The following DAB1 variants were observed in gnomAD, a reference collection of about 807,000 sequenced individuals.
DAB1 encodes the protein disabled homolog 1.
DAB1 carries 15 observed loss-of-function variants against 64.6 expected under a neutral mutation model. That is an observed-to-expected ratio of 0.23 (90% CI 0.16 to 0.36). DAB1 has a LOEUF of 0.36. Among genes scored for constraint, DAB1 ranks in the 10% least tolerant of loss-of-function variants. DAB1 has a pLI of 1.00. For synonymous variants in DAB1, 235 were observed against 251.9 expected, an observed-to-expected ratio of 0.93 and a Z score of 0.64; for missense variants, 596 against 706.7, an observed-to-expected ratio of 0.84 and a Z score of 1.78.
rs1284285303 is a variant in DAB1, at chr1:57,918,106, T to TAA, written n.388-33945_388-33944insTT. 9.7e-4 allele frequency among the ~76,000 whole-genome samples: 146 copies of TAA among 150,460 alleles called. 4 individuals carry two copies. The East Asian group carries it at 0.019, about 19-fold the overall frequency. ...ATAAATAAATAAATAAATAAATAAATATAAAAATATGATTTACACTTTAAA... is the reference window on the plus strand; with the variant it reads ...ATAAATAAATAAATAAATAAATAAATAAATAAAAATATGATTTACACTTTAAA... On this transcript the variant is annotated intron_variant and non_coding_transcript_variant, in intron 5 of 20. Coordinates refer to the DAB1 transcript ENST00000485760.
intron 2 of DAB1, among the ~76,000 whole-genome samples, chr1:57,267,077 A>G (rs1053519193): frequency 6.6e-6 from 1 of 152,166 alleles, no homozygotes; most frequent in African/African-American, 2.4e-5. Context: ...GTGTAATTAA[A>G]TTAAGAATCT....
intron 5 of DAB1, among the ~76,000 whole-genome samples, chr1:58,116,028 A>G (rs1032163087): frequency 1.2e-4 from 18 of 149,718 alleles, no homozygotes; most frequent in African/African-American, 4.4e-4. Flanking sequence ...TCTATACAAA[A>G]AAAATAAAAA....
At chr1:57,902,713 A>T (rs1368456614) in intron 5 of DAB1, among the ~76,000 whole-genome samples, 1 of 152,162 alleles carries the variant, frequency 6.6e-6, no homozygotes, top group Non-Finnish European at 1.5e-5. Flanking sequence ...GAGGACATTA[A>T]ATTTATCATC....
intron 5 of DAB1, among the ~76,000 whole-genome samples, chr1:58,013,000 T>G (rs978881471): frequency 6.6e-6 from 1 of 152,168 alleles, no homozygotes; most frequent in Non-Finnish European, 1.5e-5. Context: ...ACTGACTCAA[T>G]GCTCACTTTT....
intron 1 of DAB1, among the ~76,000 whole-genome samples, chr1:57,345,518 G>A (rs1558208600): frequency 1.3e-5 from 2 of 152,218 alleles, no homozygotes; most frequent in African/African-American, 4.8e-5. Flanking sequence ...TCCAGCATTA[G>A]CAGTGAGTCT....
chr1:57,305,008 A>T (rs1674011339), intron 1 of DAB1, among the ~76,000 whole-genome samples: 1 of 152,186 alleles, frequency 6.6e-6, no homozygotes, highest in Non-Finnish European at 1.5e-5. Flanking sequence ...GTTATCCAAT[A>T]ACACACTTCC....
intron 1 of DAB1, among the ~76,000 whole-genome samples, chr1:57,852,292 T>C (rs1653563444): frequency 6.6e-6 from 1 of 152,032 alleles, no homozygotes; most frequent in South Asian, 2.1e-4. Context: ...CTCCCTCAGT[T>C]TATTAACATT....
intron 5 of DAB1, among the ~76,000 whole-genome samples, chr1:57,988,755 A>G (rs1646281708): frequency 1.3e-5 from 2 of 152,188 alleles, no homozygotes; most frequent in Admixed American, 6.5e-5. Context: ...GATAGCCAGT[A>G]TTCCTTAGCC....
intron 2 of DAB1, among the ~76,000 whole-genome samples, chr1:57,261,038 G>A (rs1372994516): frequency 1.3e-5 from 2 of 152,114 alleles, no homozygotes; most frequent in Admixed American, 6.5e-5. Context: ...GAGTCACTAT[G>A]TATAAGGGGC....
intron 2 of DAB1, among the ~76,000 whole-genome samples, chr1:57,209,817 G>T (rs565251298): frequency 6.6e-6 from 1 of 152,088 alleles, no homozygotes; most frequent in African/African-American, 2.4e-5. Context: ...CCCAGTATTT[G>T]TATCCTCCCT....
intron 4 of DAB1, among the ~76,000 whole-genome samples, chr1:57,075,106 A>T (rs1049744599): frequency 6.6e-6 from 1 of 152,198 alleles, no homozygotes; most frequent in Non-Finnish European, 1.5e-5. Flanking sequence ...CACGTTTCCT[A>T]TTAAATCAAA....
At chr1:57,836,327 T>C (rs866323057) in intron 1 of DAB1, among the ~76,000 whole-genome samples, 15 of 152,348 alleles carry the variant, frequency 9.8e-5, no homozygotes, top group Admixed American at 4.6e-4. Flanking sequence ...CATGCCTATA[T>C]AGTTTCCAGG....
chr1:58,335,725 G>A (rs549717277), intron 4 of DAB1, among the ~76,000 whole-genome samples: 3 of 152,250 alleles, frequency 2.0e-5, no homozygotes, highest in African/African-American at 7.2e-5. Context: ...TAAAGCTGTC[G>A]ATTCTTGCTG....
chr1:57,850,585 G>T (rs185281048), intron 1 of DAB1, among the ~76,000 whole-genome samples: 2 of 151,900 alleles, frequency 1.3e-5, no homozygotes, highest in African/African-American at 4.8e-5. Context: ...ATCATTAGTC[G>T]CTGTGGCTCC....
intron 9 of DAB1, among the ~76,000 whole-genome samples, chr1:57,041,129 C>A (rs1200715097): frequency 6.6e-6 from 1 of 152,190 alleles, no homozygotes; most frequent in Admixed American, 6.5e-5. Context: ...GCCAGGAGGG[C>A]TTTGCCTGCT....
At chr1:57,546,098 T>C (rs3074816) in intron 7 of DAB1, among the ~76,000 whole-genome samples, 87,281 of 139,316 alleles carry the variant, frequency 0.63, 28,181 homozygotes, top group Admixed American at 0.74. Context: ...TGTGTGTGTG[T>C]GCGCGCACGT....
chr1:57,666,918 G>A (rs535690320), intron 6 of DAB1, among the ~76,000 whole-genome samples: 6 of 151,886 alleles, frequency 4.0e-5, no homozygotes, highest in African/African-American at 1.4e-4. Context: ...GAGAGGGAGA[G>A]GGAGAGGGCT....
At chr1:58,049,822 G>GCACA (rs10701436) in intron 5 of DAB1, among the ~76,000 whole-genome samples, 136 of 150,618 alleles carry the variant, frequency 9.0e-4, no homozygotes, top group East Asian at 2.9e-3. Flanking sequence ...ACACGCATAT[G>GCACA]CACACACACA....
intron 5 of DAB1, among the ~76,000 whole-genome samples, chr1:57,903,280 T>A (rs1361470109): frequency 6.6e-6 from 1 of 152,138 alleles, no homozygotes; most frequent in African/African-American, 2.4e-5. Flanking sequence ...GTAACCATGG[T>A]TTCAACACAG....
Sources: allele counts gnomAD v4.1 joint callset (sites outside exome capture counted in the v4.1 genomes callset), GRCh38; gene constraint gnomAD v4.1.1; transcripts MANE v1.5; gene names NCBI Gene and HGNC (gene_info 2026-07-23, HGNC 2026-07-21).